Variants in PLEKHD1 observed in about 807,000 individuals in gnomAD.
The protein encoded by PLEKHD1 is pleckstrin homology domain-containing family D member 1.
A neutral mutation model predicts 69.2 loss-of-function variants in PLEKHD1; 51 were observed. The observed-to-expected ratio is 0.74, with a 90% CI of 0.59 to 0.93. PLEKHD1 has a LOEUF of 0.93. Among genes scored for constraint, PLEKHD1 ranks in the 40% least tolerant of loss-of-function variants. The pLI, the probability that PLEKHD1 is intolerant of heterozygous loss-of-function variation, is 0.00. For missense variants in PLEKHD1, 584 were observed against 641.0 expected (o/e 0.91, Z 0.96); for synonymous variants, 236 against 244.7 (o/e 0.96, Z 0.33).
At chr14:69,511,612 C>A (rs997442263) in intron 6 of PLEKHD1, among the ~76,000 whole-genome samples, 1 of 151,892 alleles carries the variant, frequency 6.6e-6, no homozygotes, top group Non-Finnish European at 1.5e-5. Flanking sequence ...TGCAGTGGCA[C>A]CATCTCAGCT....
chr14:69,491,216 G>T (rs971345122), intron 1 of PLEKHD1, among the ~76,000 whole-genome samples: 3 of 152,180 alleles, frequency 2.0e-5, no homozygotes, highest in African/African-American at 7.2e-5. Flanking sequence ...CAGTTTTCCA[G>T]CCTTCCACAC....
chr14:69,492,312 C>G (rs1404435079), intron 1 of PLEKHD1, among the ~76,000 whole-genome samples: 1 of 152,224 alleles, frequency 6.6e-6, no homozygotes, highest in African/African-American at 2.4e-5. Context: ...TCTTCAAAGC[C>G]CTGCTTAGTT....
chr14:69,511,496 T>G (rs1302174403), intron 6 of PLEKHD1, among the ~76,000 whole-genome samples: 1 of 151,948 alleles, frequency 6.6e-6, no homozygotes, highest in Non-Finnish European at 1.5e-5. Flanking sequence ...TGTTGAAAAT[T>G]TTTGCATCTG....
Position 69,531,539 on chromosome 14 carries a change from C to T in PLEKHD1, c.*3120C>T, listed in dbSNP as rs1359983613. On this transcript the variant is annotated 3_prime_UTR_variant, in exon 13 of 13. Transcript: ENST00000322564. ...ATTCCTTGGCCAATTAAATGCATTT[C>T]CTGCAGTATCTATTTAAGTATGTGG... 1 of 152,130 alleles carries T rather than the reference C, an allele frequency of 6.6e-6. No individual in the cohort carries two copies. The highest frequency in any genetic ancestry group is 1.5e-5 in the Non-Finnish European group (1 of 68,036). 9.4% of individuals were successfully genotyped at this position (152,130 alleles called of 1,614,324 possible).
intron 1 of PLEKHD1, among the ~76,000 whole-genome samples, chr14:69,499,127 A>C (rs955489863): frequency 2.0e-5 from 3 of 152,086 alleles, no homozygotes; most frequent in African/African-American, 7.2e-5. Context: ...CATGTGACCA[A>C]ATGCAGAGCA....
chr14:69,509,811 G>A (rs1010654797), intron 6 of PLEKHD1, among the ~76,000 whole-genome samples: 8 of 151,872 alleles, frequency 5.3e-5, no homozygotes, highest in Non-Finnish European at 1.0e-4. Context: ...GGTGGCGGGC[G>A]CCTGTAATCC....
intron 8 of PLEKHD1, among the ~76,000 whole-genome samples, chr14:69,524,799 C>T (rs569638096): frequency 6.6e-6 from 1 of 152,258 alleles, no homozygotes; most frequent in Non-Finnish European, 1.5e-5. Context: ...AAAGTACAAA[C>T]TCCTTAGCAT....
At chr14:69,514,808 T>C (rs1883347842) in intron 6 of PLEKHD1, among the ~76,000 whole-genome samples, 1 of 152,120 alleles carries the variant, frequency 6.6e-6, no homozygotes, top group Non-Finnish European at 1.5e-5. Flanking sequence ...TAGAATAGCA[T>C]GGGTACAGTG....
At chr14:69,474,929 CAATG>C in the PLEKHD1 span, among the ~76,000 whole-genome samples, 1 of 152,152 alleles carries the variant, frequency 6.6e-6, no homozygotes, top group Non-Finnish European at 1.5e-5. Context: ...AATCACAGCT[CAATG>C]TGACCTCGAG....
chr14:69,504,084 A>G (rs975677780), intron 6 of PLEKHD1, among the ~76,000 whole-genome samples: 4 of 152,192 alleles, frequency 2.6e-5, no homozygotes, highest in Non-Finnish European at 4.4e-5. Context: ...AAAAATGCAG[A>G]TGATAATAGA....
chr14:69,500,665 A>G lies in PLEKHD1; in HGVS notation c.332A>G (p.His111Arg), dbSNP rs1455919732. ...YAMKISHQDF[H>R]GNILLAAESE... is the part of the protein sequence containing the mutation. ...ATGAAGATCTCCCACCAGGACTTCCATGTGAGTAAAGCTCTTCCCTCAGCC... is the reference window on the plus strand; with the variant it reads ...ATGAAGATCTCCCACCAGGACTTCCGTGTGAGTAAAGCTCTTCCCTCAGCC... Residue 111 changes from histidine to arginine, a missense_variant and splice_region_variant, in exon 3 of 13, where the codon CAT (histidine) becomes CGT (arginine). Coordinates refer to ENST00000322564, the MANE Select transcript of PLEKHD1 (RefSeq NM_001161498.2). 5 of 1,551,072 alleles carry G rather than the reference A, an allele frequency of 3.2e-6. No individual in the cohort carries two copies. The highest frequency in any genetic ancestry group is 2.0e-5 in the Admixed American group (1 of 50,934).
At chr14:69,508,025 T>C (rs902097002) in intron 6 of PLEKHD1, among the ~76,000 whole-genome samples, 38 of 152,222 alleles carry the variant, frequency 2.5e-4, no homozygotes, top group Admixed American at 6.5e-5. Context: ...AGTTTAGCGG[T>C]AGCTCGTTGT....
intron 1 of PLEKHD1, among the ~76,000 whole-genome samples, chr14:69,499,179 G>A (rs371286720): frequency 6.6e-6 from 1 of 151,874 alleles, no homozygotes; most frequent in Admixed American, 6.6e-5. Flanking sequence ...GCCCATCTGA[G>A]CTGGCTCCAA....
chr14:69,499,033 G>C (rs778437094), intron 1 of PLEKHD1, among the ~76,000 whole-genome samples: 67 of 152,054 alleles, frequency 4.4e-4, no homozygotes, highest in Admixed American at 2.0e-4. Context: ...TAGGCTCTTG[G>C]GGGAGGGAGC....
In PLEKHD1 at chr14:69,484,846, C is replaced by A; in HGVS notation, c.-120C>A. ...TTGATGCTGCAGCTCCGGGCCGGGC[C>A]GCTCTGCTTCTCTGCTCGCTGGGAC... On this transcript the variant is annotated 5_prime_UTR_variant, in exon 1 of 13. Transcript: ENST00000322564. 1.6e-6 allele frequency: 2 copies of A among 1,224,068 alleles called. No individual in the cohort carries two copies. The highest frequency in any genetic ancestry group is 2.6e-5 in the East Asian group (1 of 38,786). The allele number at this position is 1,224,068 out of a possible 1,614,324, so 75.8% of individuals were successfully genotyped here.
intron 6 of PLEKHD1, among the ~76,000 whole-genome samples, chr14:69,509,030 C>T (rs756093397): frequency 6.6e-6 from 1 of 152,126 alleles, no homozygotes; most frequent in Non-Finnish European, 1.5e-5. Context: ...TTGGCCTTTT[C>T]GGCTCCCAAC....
At chr14:69,519,622 C>T (rs2139525130) in intron 6 of PLEKHD1, among the ~76,000 whole-genome samples, 1 of 152,318 alleles carries the variant, frequency 6.6e-6, no homozygotes, top group East Asian at 1.9e-4. Context: ...TTCTTCTTCT[C>T]AGAGGCATAG....
intron 1 of PLEKHD1, among the ~76,000 whole-genome samples, chr14:69,495,410 T>C (rs931255697): frequency 6.6e-6 from 1 of 152,182 alleles, no homozygotes. Context: ...GCTGTCTCTC[T>C]TACTCAGAGA....
At chr14:69,468,283 C>T in the PLEKHD1 span, among the ~76,000 whole-genome samples, 2 of 152,252 alleles carry the variant, frequency 1.3e-5, no homozygotes, top group South Asian at 2.1e-4. Flanking sequence ...AATGTAATTA[C>T]AAATATGTTC....
Sources: gnomAD v4.1 joint callset for allele counts (sites outside exome capture counted in the v4.1 genomes callset) on GRCh38, gnomAD v4.1.1 for gene constraint, MANE v1.5 for transcripts, NCBI Gene and HGNC (gene_info 2026-07-23, HGNC 2026-07-21) for gene names.